Variants in LOC122539214 observed in about 807,000 individuals in gnomAD.
At chr19:52,671,745 G>A in the LOC122539214 span, among the ~76,000 whole-genome samples, 1 of 152,066 alleles carries the variant, frequency 6.6e-6, no homozygotes, top group Non-Finnish European at 1.5e-5. Context: ...CCATCCAATT[G>A]CAATCTATTT....
the LOC122539214 span, among the ~76,000 whole-genome samples, chr19:52,684,578 A>G: frequency 2.6e-5 from 4 of 151,482 alleles, no homozygotes; most frequent in South Asian, 8.3e-4. Context: ...AAAGAAAGAA[A>G]AAGTGCTTCT....
the LOC122539214 span, among the ~76,000 whole-genome samples, chr19:52,687,578 TTA>T: frequency 0.2 from 7,724 of 38,532 alleles, 2,287 homozygotes; most frequent in Non-Finnish European, 0.27. Context: ...TATATAAATT[TTA>T]TATATATATA....
chr19:52,676,777 C>T, the LOC122539214 span, among the ~76,000 whole-genome samples: 31 of 138,702 alleles, frequency 2.2e-4, 2 homozygotes, highest in Middle Eastern at 3.5e-3. Flanking sequence ...TTTTGTTCTG[C>T]ACTAAGAAAA....
At chr19:52,684,548 T>A in the LOC122539214 span, among the ~76,000 whole-genome samples, 16 of 125,008 alleles carry the variant, frequency 1.3e-4, no homozygotes, top group African/African-American at 1.7e-4. Context: ...AGACTCTGTC[T>A]AAAAAAAGAA....
chr19:52,690,197 A>C, the LOC122539214 span, among the ~76,000 whole-genome samples: 2 of 147,150 alleles, frequency 1.4e-5, no homozygotes, highest in African/African-American at 2.7e-5. Context: ...AAAAAAAAAA[A>C]ACAACAACAA....
the LOC122539214 span, chr19:52,652,497 TCTC>T: frequency 2.2e-6 from 1 of 446,008 alleles, no homozygotes; most frequent in Non-Finnish European, 4.6e-6. Flanking sequence ...CCATATGAAT[TCTC>T]CTGTGTTTTG....
At chr19:52,682,995 T>TCCC in the LOC122539214 span, among the ~76,000 whole-genome samples, 2 of 152,154 alleles carry the variant, frequency 1.3e-5, no homozygotes, top group Non-Finnish European at 2.9e-5. Context: ...CTCAGCCTTT[T>TCCC]GAGTAGCTGA....
the LOC122539214 span, among the ~76,000 whole-genome samples, chr19:52,667,523 T>C: frequency 6.6e-6 from 1 of 152,190 alleles, no homozygotes; most frequent in East Asian, 1.9e-4. Context: ...ATACTTTTGG[T>C]AAAAGGATTA....
At chr19:52,687,614 G>GTATATATATATATATATATAA in the LOC122539214 span, among the ~76,000 whole-genome samples, 1 of 11,628 alleles carries the variant, frequency 8.6e-5, no homozygotes, top group Admixed American at 8.2e-4. Context: ...TATATATAAT[G>GTATATATATATATATATATAA]TGTATATATA....
At chr19:52,686,459 C>CATAT in the LOC122539214 span, among the ~76,000 whole-genome samples, 2,026 of 143,018 alleles carry the variant, frequency 0.014, 19 homozygotes, top group Non-Finnish European at 0.023. Context: ...AAAAAAATTA[C>CATAT]ATATATATAT....
At chr19:52,688,544 G>T in the LOC122539214 span, among the ~76,000 whole-genome samples, 1 of 151,190 alleles carries the variant, frequency 6.6e-6, no homozygotes, top group Non-Finnish European at 1.5e-5. Context: ...TCTCTCTCTA[G>T]CTCTTGTTTT....
At chr19:52,654,422 A>G in the LOC122539214 span, 22 of 998,400 alleles carry the variant, frequency 2.2e-5, no homozygotes, top group Non-Finnish European at 3.0e-5. Context: ...TATAAAGACC[A>G]ATAGGTTTCC....
the LOC122539214 span, among the ~76,000 whole-genome samples, chr19:52,667,224 G>GAAAA: frequency 1.2e-5 from 1 of 86,182 alleles, no homozygotes; most frequent in Admixed American, 1.4e-4. Context: ...TATCATCTTT[G>GAAAA]AAAAAAAAAA....
the LOC122539214 span, among the ~76,000 whole-genome samples, chr19:52,668,508 C>T: frequency 3.9e-5 from 6 of 152,136 alleles, no homozygotes; most frequent in Non-Finnish European, 5.9e-5. Context: ...TGGAAAGGAT[C>T]CTATAGGCTT....
the LOC122539214 span, chr19:52,655,409 C>A: frequency 4.0e-6 from 3 of 758,912 alleles, no homozygotes; most frequent in Non-Finnish European, 2.2e-6. Context: ...AAGAAGCTGT[C>A]TATGACAGAC....
At chr19:52,659,334 G>C in the LOC122539214 span, among the ~76,000 whole-genome samples, 1 of 152,068 alleles carries the variant, frequency 6.6e-6, no homozygotes, top group Admixed American at 6.6e-5. Flanking sequence ...GTAAGTCATT[G>C]GTGCCCACTC....
chr19:52,683,129 C>T, the LOC122539214 span, among the ~76,000 whole-genome samples: 1 of 152,178 alleles, frequency 6.6e-6, no homozygotes, highest in African/African-American at 2.4e-5. Flanking sequence ...CTTGGCCTCC[C>T]AAAGTGCTGG....
the LOC122539214 span, among the ~76,000 whole-genome samples, chr19:52,667,359 G>A: frequency 6.6e-6 from 1 of 152,108 alleles, no homozygotes; most frequent in Non-Finnish European, 1.5e-5. Context: ...GTTGAGGCAT[G>A]TTGAAGAATT....
the LOC122539214 span, chr19:52,653,265 T>C: frequency 6.7e-7 from 1 of 1,488,804 alleles, no homozygotes; most frequent in South Asian, 1.1e-5. Context: ...TATAATGACA[T>C]GCAAGGTGTG....
Sources: allele counts gnomAD v4.1 joint callset (sites outside exome capture counted in the v4.1 genomes callset), GRCh38; gene constraint gnomAD v4.1.1; transcripts MANE v1.5.